LY96: variants seen among roughly 807,000 people sequenced by gnomAD.
LY96 encodes myeloid differentiation protein-2.
A neutral mutation model predicts 18.9 loss-of-function variants in LY96; 18 were observed. The observed-to-expected ratio is 0.95, with a 90% confidence interval of 0.66 to 1.41. The LOEUF is 1.41. LY96 is among the 40% of genes most tolerant of loss of function. The pLI is 0.00. For synonymous variants in LY96, 66 were observed against 62.6 expected, an observed-to-expected ratio of 1.06 and a Z score of -0.26; for missense variants, 175 against 182.4, an observed-to-expected ratio of 0.96 and a Z score of 0.23.
At chr8:74,068,089 A>AAAAAATATATATATATATAT in the LY96 span, among the ~76,000 whole-genome samples, 1 of 67,936 alleles carries the variant, frequency 1.5e-5, no homozygotes, top group African/African-American at 9.6e-5. Context: ...AAAAAAAAAA[A>AAAAAATATATATATATATAT]ATATATATAT....
In LY96 at chr8:74,000,758, C is replaced by A. The variant is rs147206553; in HGVS notation, c.113-4038C>A. On this transcript the variant is annotated intron_variant, in intron 1 of 4. Transcript: ENST00000284818. ...GTAAGACTGGGTAATTTATAATAAA[C>A]AGAAATTTATTTGGCTTATGGTTCT... 3.7e-3 allele frequency among the ~76,000 whole-genome samples: 569 copies of A among 152,226 alleles called. 3 individuals are homozygous for A. Among genetic ancestry groups the A allele is most frequent in the African/African-American group, 0.013 (522 of 41,540 alleles).
the LY96 span, among the ~76,000 whole-genome samples, chr8:74,070,442 G>T: frequency 8.5e-5 from 13 of 152,302 alleles, no homozygotes; most frequent in African/African-American, 3.1e-4. Flanking sequence ...TTCTTTAGAT[G>T]GTGACAAATG....
At chr8:74,002,058 CCTTCCTTCCTTCCT>C (rs1816295893) in intron 1 of LY96, among the ~76,000 whole-genome samples, 1 of 31,618 alleles carries the variant, frequency 3.2e-5, no homozygotes, top group Non-Finnish European at 5.3e-5. Flanking sequence ...TTCCTTCCTT[CCTTCCTTCCTTCCT>C]TCCTTTCTTT....
At chr8:74,047,694 T>C in the LY96 span, among the ~76,000 whole-genome samples, 1 of 152,154 alleles carries the variant, frequency 6.6e-6, no homozygotes, top group Non-Finnish European at 1.5e-5. Flanking sequence ...AGTTTTCACA[T>C]CTCTAAAATA....
In LY96 at chr8:74,029,065, G is replaced by T; in HGVS notation, c.*11G>T. 6.6e-7 allele frequency: 1 copy of T among 1,518,650 alleles called. No homozygotes were observed. The highest frequency in any genetic ancestry group is 9.1e-7 in the Non-Finnish European group (1 of 1,096,496). 94.1% of individuals were successfully genotyped at this position (1,518,650 alleles called of 1,614,324 possible). On this transcript the variant is annotated 3_prime_UTR_variant, in exon 5 of 5. Transcript: ENST00000284818. ...CCTAATTCAAATTAGAATAAATTGA[G>T]TATTTAAAAAAAAATTTAAAGGTAT...
At chr8:74,027,692 C>A (rs1441887835) in intron 4 of LY96, among the ~76,000 whole-genome samples, 2 of 152,054 alleles carry the variant, frequency 1.3e-5, no homozygotes, top group African/African-American at 4.8e-5. Flanking sequence ...ATCGCCAGAC[C>A]AACTCAAAAT....
At chr8:74,075,794 A>G in the LY96 span, among the ~76,000 whole-genome samples, 1 of 152,222 alleles carries the variant, frequency 6.6e-6, no homozygotes, top group Admixed American at 6.5e-5. Context: ...TGTTTTAAAT[A>G]TAAAGTCAGT....
chr8:74,097,444 G>T, the LY96 span, among the ~76,000 whole-genome samples: 1 of 152,150 alleles, frequency 6.6e-6, no homozygotes, highest in Non-Finnish European at 1.5e-5. Flanking sequence ...AGGCACATTG[G>T]CTCATGGCTG....
chr8:74,078,380 C>T, the LY96 span, among the ~76,000 whole-genome samples: 1 of 152,170 alleles, frequency 6.6e-6, no homozygotes, highest in Non-Finnish European at 1.5e-5. Context: ...AAGCAAACTA[C>T]TGAGAGCATT....
the LY96 span, among the ~76,000 whole-genome samples, chr8:74,088,827 C>T: frequency 6.6e-6 from 1 of 152,312 alleles, no homozygotes; most frequent in South Asian, 2.1e-4. Flanking sequence ...CTCAAGTGAT[C>T]AGCCTGCCTC....
At chr8:74,093,995 T>C in the LY96 span, among the ~76,000 whole-genome samples, 41 of 152,278 alleles carry the variant, frequency 2.7e-4, no homozygotes, top group Admixed American at 8.5e-4. Context: ...CAATAAATAA[T>C]ATTTTTTCTT....
chr8:74,047,038 A>G, the LY96 span, among the ~76,000 whole-genome samples: 1 of 151,508 alleles, frequency 6.6e-6, no homozygotes, highest in East Asian at 1.9e-4. Context: ...AGTAGCTGGG[A>G]TTACAGGCAC....
chr8:74,097,453 T>C, the LY96 span, among the ~76,000 whole-genome samples: 1 of 152,162 alleles, frequency 6.6e-6, no homozygotes, highest in Non-Finnish European at 1.5e-5. Context: ...GGCTCATGGC[T>C]GTAATCCCAG....
chr8:74,046,401 T>C, the LY96 span, among the ~76,000 whole-genome samples: 1 of 152,178 alleles, frequency 6.6e-6, no homozygotes, highest in African/African-American at 2.4e-5. Context: ...AATTTAATGG[T>C]TACTGAATGT....
chr8:74,064,967 G>C, the LY96 span, among the ~76,000 whole-genome samples: 1 of 152,130 alleles, frequency 6.6e-6, no homozygotes, highest in Non-Finnish European at 1.5e-5. Context: ...AATGTTACTG[G>C]GGGTGTAAAC....
At chr8:74,052,136 G>A in the LY96 span, among the ~76,000 whole-genome samples, 2 of 152,138 alleles carry the variant, frequency 1.3e-5, no homozygotes, top group African/African-American at 4.8e-5. Context: ...GAGAAGGGAA[G>A]GAGGTTTTTG....
the LY96 span, among the ~76,000 whole-genome samples, chr8:74,063,776 T>C: frequency 6.6e-6 from 1 of 150,660 alleles, no homozygotes; most frequent in Admixed American, 6.6e-5. Context: ...TTTTTTGCTA[T>C]AGTGTAAGAA....
the LY96 span, among the ~76,000 whole-genome samples, chr8:74,063,177 G>A: frequency 6.6e-6 from 1 of 152,306 alleles, no homozygotes; most frequent in Admixed American, 6.5e-5. Context: ...CCAACCCATA[G>A]GGCTGCTTGA....
the LY96 span, among the ~76,000 whole-genome samples, chr8:74,044,527 G>A: frequency 7.7e-4 from 117 of 152,126 alleles, no homozygotes; most frequent in South Asian, 1.7e-3. Flanking sequence ...AGCCAGAGGG[G>A]CTGTAAAATG....
Sources: gnomAD v4.1 joint callset for allele counts (sites outside exome capture counted in the v4.1 genomes callset) on GRCh38, gnomAD v4.1.1 for gene constraint, MANE v1.5 for transcripts, NCBI Gene and HGNC (gene_info 2026-07-23, HGNC 2026-07-21) for gene names.